The following TMEM161A variants were observed in gnomAD, a reference collection of about 807,000 sequenced individuals.
TMEM161A encodes transmembrane protein 161A, also known as adaptive response to oxidative stress protein 29.
A neutral mutation model predicts 57.1 loss-of-function variants in TMEM161A; 46 were observed. The ratio of observed to expected loss-of-function variants is 0.81; its 90% CI spans 0.64 to 1.03. The LOEUF (loss-of-function observed/expected upper bound fraction) is 1.03, where lower values mean the gene tolerates loss of function less well. Ranked by LOEUF, TMEM161A falls within the 50% of genes least tolerant of loss-of-function variation. The pLI is 0.00. For missense variants in TMEM161A, 601 were observed against 621.5 expected (o/e 0.97, Z 0.35); for synonymous variants, 288 against 279.0 (o/e 1.03, Z -0.32).
intron 1 of TMEM161A, among the ~76,000 whole-genome samples, chr19:19,135,297 G>A (rs1387363636): frequency 1.3e-5 from 2 of 152,102 alleles, no homozygotes; most frequent in East Asian, 1.9e-4. Context: ...CAGTGAAAGC[G>A]GCTCCCACCG....
chr19:19,123,946 T>G (rs1330572780), intron 6 of TMEM161A, among the ~76,000 whole-genome samples: 1 of 151,462 alleles, frequency 6.6e-6, no homozygotes, highest in Non-Finnish European at 1.5e-5. Context: ...ACCAGCTACT[T>G]GGGAGGCTGA....
intron 6 of TMEM161A, among the ~76,000 whole-genome samples, chr19:19,127,510 G>A (rs2059936579): frequency 6.6e-6 from 1 of 151,784 alleles, no homozygotes; most frequent in Non-Finnish European, 1.5e-5. Flanking sequence ...TTTTAGTAGA[G>A]ACGGAGTTTC....
At position 19,132,807 on chromosome 19, in the gene TMEM161A, C is replaced by G. The variant is rs561734062; in HGVS notation, c.189-53G>C. ...ACGGTGAGCACGCATTCCACTGAGG[C>G]CAGCCACCCTCAGAGCTCAGAGCAG... On this transcript the variant is annotated intron_variant, in intron 3 of 11. Transcript: ENST00000162044. The surrounding 1 kb of genome is among the most constrained non-coding windows in gnomAD (Gnocchi z 4.3). The G allele has an allele frequency of 3.6e-6, 5 of 1,404,246 alleles. No homozygotes were observed. The South Asian group carries it at 7.0e-5, about 20-fold the overall frequency. The allele number at this position is 1,404,246 out of a possible 1,614,324, so 87.0% of individuals were successfully genotyped here.
Position 19,121,890 on chromosome 19 carries a change from C to T in TMEM161A, c.596-71G>A. 1.3e-6 allele frequency: 2 copies of T among 1,540,988 alleles called. No homozygotes were observed. Among genetic ancestry groups the T allele is most frequent in the South Asian group, 1.1e-5 (1 of 87,724 alleles). ...CTCTAAGGCCACTCTGTTCCCTAAC[C>T]CCCCATCCCTCAGGCATCCGTTTGC... On this transcript the variant is annotated intron_variant, in intron 6 of 11. Coordinates refer to ENST00000162044, the MANE Select transcript of TMEM161A (RefSeq NM_017814.3). The surrounding 1 kb of genome is among the most constrained non-coding windows in gnomAD (Gnocchi z 5.8).
chr19:19,121,091 G>T lies in TMEM161A; in HGVS notation c.990C>A (p.Thr330=). Residue 330 remains threonine (T), a synonymous_variant, in exon 10 of 12, where the codon ACC becomes ACA. Transcript: ENST00000162044. This position sits in a 1 kb window ranked among gnomAD's most constrained non-coding sequence, Gnocchi z 5.8. ...VVLCLLRLAV[T]RPHLQAYLCL... The stretch of plus-strand genomic sequence containing the variant: ...ACAGGTAGGCCTGCAGGTGGGGCCG[G>T]GTCACCGCCAGCCGCAGCAGGCACA... The T allele has an allele frequency of 6.2e-7, 1 of 1,611,258 alleles. No individual in the cohort carries two copies.
In TMEM161A at chr19:19,132,532, C is replaced by T. The variant is rs759387293; in HGVS notation, c.287-24G>A. The T allele has an allele frequency of 3.7e-6, 6 of 1,608,356 alleles. No homozygotes were observed. In the South Asian group the frequency reaches 5.5e-5, roughly 15 times the overall value. ...GACTGTGGGGGGCACTCTGCTCAGC[C>T]CTGGGGCCCAGCTCGCTCCCCTCCT... On this transcript the variant is annotated intron_variant, in intron 4 of 11. Coordinates refer to ENST00000162044, the MANE Select transcript of TMEM161A (RefSeq NM_017814.3). The surrounding 1 kb of genome is among the most constrained non-coding windows in gnomAD (Gnocchi z 4.3).
chr19:19,119,922 G>A lies in TMEM161A; in HGVS notation c.*8C>T. On this transcript the variant is annotated 3_prime_UTR_variant, in exon 12 of 12. Coordinates refer to ENST00000162044, the MANE Select transcript of TMEM161A (RefSeq NM_017814.3). ...AGACCTCAGGGCCCCAGGAGGGTCT[G>A]CAGGCAGCTAGGAGCCTGCCAAGTG... 6.4e-7 allele frequency: 1 copy of A among 1,552,800 alleles called. No homozygotes were observed. Among genetic ancestry groups the A allele is most frequent in the Non-Finnish European group, 8.7e-7 (1 of 1,149,366 alleles).
chr19:19,130,644 TGCAGCATGGGGGCCAGAC>T (rs2059954126), intron 5 of TMEM161A: 3 of 291,774 alleles, frequency 1.0e-5, no homozygotes, highest in Admixed American at 8.1e-5. Context: ...GCTGTCAAAA[TGCAGCATGGGGGCCAGAC>T]ACAGTGGCTC....
At chr19:19,137,275 C>A (rs2059989022) in intron 1 of TMEM161A, among the ~76,000 whole-genome samples, 2 of 152,144 alleles carry the variant, frequency 1.3e-5, no homozygotes, top group African/African-American at 4.8e-5. Context: ...CTGCACCCAA[C>A]CACTGGAGTC....
At position 19,121,064 on chromosome 19, in the gene TMEM161A, G is replaced by A. The variant is rs1439553689; in HGVS notation, c.1017C>T (p.Cys339=). The stretch of plus-strand genomic sequence containing the variant: ...GCTGCTCCACCCGGGCCTTGGCCAG[G>A]CACAGGTAGGCCTGCAGGTGGGGCC... ...VTRPHLQAYL[C]LAKARVEQLR... is the part of the protein sequence containing the mutation. Residue 339 remains cysteine (C), a synonymous_variant, in exon 10 of 12, where the codon TGC becomes TGT. Coordinates refer to ENST00000162044, the MANE Select transcript of TMEM161A (RefSeq NM_017814.3). This position sits in a 1 kb window ranked among gnomAD's most constrained non-coding sequence, Gnocchi z 5.8. 6.2e-7 allele frequency: 1 copy of A among 1,612,068 alleles called. No individual in the cohort carries two copies. Among genetic ancestry groups the A allele is most frequent in the South Asian group, 1.1e-5 (1 of 90,994 alleles).
intron 6 of TMEM161A, among the ~76,000 whole-genome samples, chr19:19,127,697 A>G (rs2059937806): frequency 6.6e-6 from 1 of 151,442 alleles, no homozygotes; most frequent in Admixed American, 6.6e-5. Flanking sequence ...TGGGAGGCGG[A>G]GGTGAGAGGA....
chr19:19,122,583 AG>A (rs2059915845), intron 6 of TMEM161A, among the ~76,000 whole-genome samples: 1 of 152,094 alleles, frequency 6.6e-6, no homozygotes, highest in Non-Finnish European at 1.5e-5. Context: ...GTTTGAGACC[AG>A]CCTGGGCAAC....
Position 19,132,258 on chromosome 19 carries a change from C to T in TMEM161A, c.443+94G>A. On this transcript the variant is annotated intron_variant, in intron 5 of 11. Transcript: ENST00000162044. This position sits in a 1 kb window ranked among gnomAD's most constrained non-coding sequence, Gnocchi z 4.3. ...AAGCTTGGGGAAGTTTGTGGCACAG[C>T]AGGTGAAAACTGCCACACCAGTTTA... is the stretch of plus-strand genomic sequence containing the variant. 7.1e-7 allele frequency: 1 copy of T among 1,408,682 alleles called. No homozygotes were observed. The highest frequency in any genetic ancestry group is 2.3e-5 in the East Asian group (1 of 43,414). The allele number at this position is 1,408,682 out of a possible 1,614,324, so 87.3% of individuals were successfully genotyped here.
Position 19,121,691 on chromosome 19 carries a change from G to A in TMEM161A, c.657-23C>T. On this transcript the variant is annotated intron_variant, in intron 7 of 11. Coordinates refer to ENST00000162044, the MANE Select transcript of TMEM161A (RefSeq NM_017814.3). This position sits in a 1 kb window ranked among gnomAD's most constrained non-coding sequence, Gnocchi z 5.8. ...AGCCTAGGAGAACACCAGGTCACGA[G>A]CCTGCCTGGGGGACCCTGGGAGGGT... 6.2e-7 allele frequency: 1 copy of A among 1,612,536 alleles called. No homozygotes were observed. Among genetic ancestry groups the A allele is most frequent in the Non-Finnish European group, 8.5e-7 (1 of 1,178,770 alleles).
Position 19,132,235 on chromosome 19 carries a change from G to T in TMEM161A, c.443+117C>A. 8.1e-7 allele frequency: 1 copy of T among 1,227,700 alleles called. No homozygotes were observed. The highest frequency in any genetic ancestry group is 1.1e-6 in the Non-Finnish European group (1 of 874,698). 76.1% of individuals were successfully genotyped at this position (1,227,700 alleles called of 1,614,324 possible). ...TAAAATGTCTGCTTCATGTCACTAA[G>T]CTTGGGGAAGTTTGTGGCACAGCAG... On this transcript the variant is annotated intron_variant, in intron 5 of 11. Coordinates refer to ENST00000162044, the MANE Select transcript of TMEM161A (RefSeq NM_017814.3). This position sits in a 1 kb window ranked among gnomAD's most constrained non-coding sequence, Gnocchi z 4.3.
intron 2 of TMEM161A, 24 bp downstream of exon 2, chr19:19,134,759 CT>C: frequency 1.3e-6 from 2 of 1,537,220 alleles, no homozygotes; most frequent in East Asian, 2.4e-5. Context: ...CCGCGGGCCC[CT>C]CCCACCGCCG....
In TMEM161A at chr19:19,121,890, C is replaced by G; in HGVS notation, c.596-71G>C. On this transcript the variant is annotated intron_variant, in intron 6 of 11. Coordinates refer to ENST00000162044, the MANE Select transcript of TMEM161A (RefSeq NM_017814.3). This position sits in a 1 kb window ranked among gnomAD's most constrained non-coding sequence, Gnocchi z 5.8. The stretch of plus-strand genomic sequence containing the variant: ...CTCTAAGGCCACTCTGTTCCCTAAC[C>G]CCCCATCCCTCAGGCATCCGTTTGC... 1 of 1,540,990 alleles carries G rather than the reference C, an allele frequency of 6.5e-7. No homozygotes were observed. Among genetic ancestry groups the G allele is most frequent in the Non-Finnish European group, 8.9e-7 (1 of 1,125,936 alleles).
At chr19:19,126,768 G>A (rs1168243657) in intron 6 of TMEM161A, among the ~76,000 whole-genome samples, 2 of 152,138 alleles carry the variant, frequency 1.3e-5, no homozygotes, top group African/African-American at 2.4e-5. Context: ...TACTTGGGAG[G>A]CTGAGGCAAG....
Position 19,119,812 on chromosome 19 carries a change from GC to G in TMEM161A, c.*117del. 7.5e-7 allele frequency: 1 copy of G among 1,330,656 alleles called. No homozygotes were observed. Among genetic ancestry groups the G allele is most frequent in the Non-Finnish European group, 1.0e-6 (1 of 983,998 alleles). 82.4% of individuals were successfully genotyped at this position (1,330,656 alleles called of 1,614,324 possible). ...GGTCAGGCACTGTGGTGAAGGGAAC[GC>G]CGGGGAGTCCGGCCCCACCTTGCAG... On this transcript the variant is annotated 3_prime_UTR_variant, in exon 12 of 12. Coordinates refer to ENST00000162044, the MANE Select transcript of TMEM161A (RefSeq NM_017814.3).
Sources: gnomAD v4.1 joint callset for allele counts (sites outside exome capture counted in the v4.1 genomes callset) on GRCh38, gnomAD v4.1.1 for gene constraint, Gnocchi (gnomAD v3.1) non-coding constraint, MANE v1.5 for transcripts, NCBI Gene and HGNC (gene_info 2026-07-23, HGNC 2026-07-21) for gene names.